SMOC1: variants seen among roughly 807,000 people sequenced by gnomAD.
SMOC1 encodes the protein SPARC-related modular calcium-binding protein 1.
Under a neutral mutation model 56.3 loss-of-function variants are expected in SMOC1, and 22 were observed. The ratio of observed to expected loss-of-function variants is 0.39; its 90% CI spans 0.28 to 0.56. The LOEUF (loss-of-function observed/expected upper bound fraction) is 0.56. SMOC1 is among the 20% of genes least tolerant of loss of function. The pLI is 0.61. For missense variants in SMOC1, 509 were observed against 565.4 expected, an observed-to-expected ratio of 0.90 and a Z score of 1.01; for synonymous variants, 193 against 215.0, an observed-to-expected ratio of 0.90 and a Z score of 0.89.
Position 69,953,668 on chromosome 14 carries a change from T to C in SMOC1, c.378+136T>C, listed in dbSNP as rs1883086499. 3.9e-6 allele frequency: 3 copies of C among 761,138 alleles called. No individual in the cohort carries two copies. In the Admixed American group the frequency reaches 5.9e-5, roughly 15 times the overall value. The allele number at this position is 761,138 out of a possible 1,614,324, so 47.1% of individuals were successfully genotyped here. On this transcript the variant is annotated intron_variant, in intron 3 of 11. Transcript: ENST00000361956. ...TGAGTGGCTCTTCAACTCCCCTCTG[T>C]GCTGCCTTCCCCCTCTCTGGCCCTC...
At chr14:69,940,842 G>A (rs747448423) in intron 1 of SMOC1, among the ~76,000 whole-genome samples, 28 of 152,162 alleles carry the variant, frequency 1.8e-4, no homozygotes, top group Non-Finnish European at 3.2e-4. Context: ...AGTGAGAGGA[G>A]TTTTTGTGCT....
intron 6 of SMOC1, 82 bp from the exon 7 acceptor site, chr14:69,994,318 C>T: frequency 9.2e-7 from 1 of 1,084,082 alleles, no homozygotes; most frequent in Middle Eastern, 2.0e-4. Context: ...TGAAAAATGA[C>T]TATTAAGAAG....
At chr14:69,977,549 G>T (rs562838542) in intron 4 of SMOC1, among the ~76,000 whole-genome samples, 30 of 152,200 alleles carry the variant, frequency 2.0e-4, no homozygotes, top group Non-Finnish European at 3.5e-4. Flanking sequence ...ACTGAATATG[G>T]CTCCAAACAT....
At chr14:69,959,712 A>G (rs1883304752) in intron 3 of SMOC1, among the ~76,000 whole-genome samples, 1 of 151,934 alleles carries the variant, frequency 6.6e-6, no homozygotes, top group Non-Finnish European at 1.5e-5. Flanking sequence ...ATAGGGATCT[A>G]TATGCATGGA....
chr14:70,011,643 G>A lies in SMOC1; in HGVS notation c.940+76G>A, dbSNP rs1885346326. 7 of 1,371,180 alleles carry A rather than the reference G, an allele frequency of 5.1e-6. No individual in the cohort carries two copies. The South Asian group carries it at 8.3e-5, about 16-fold the overall frequency. The allele number at this position is 1,371,180 out of a possible 1,614,324, so 84.9% of individuals were successfully genotyped here. ...ACCCTCTCATTATGCAGAAGAAGCT[G>A]TCTCCTCTTTGTCTGTTTCCCCATG... On this transcript the variant is annotated intron_variant, in intron 9 of 11. Coordinates refer to ENST00000361956, the MANE Select transcript of SMOC1 (RefSeq NM_001034852.3).
chr14:69,953,957 A>G (rs928582854), intron 3 of SMOC1, among the ~76,000 whole-genome samples: 3 of 152,120 alleles, frequency 2.0e-5, no homozygotes, highest in Non-Finnish European at 4.4e-5. Flanking sequence ...CCAGTCCTTG[A>G]ACGAAGCAGA....
At chr14:70,022,854 A>T (rs946548738) in intron 10 of SMOC1, among the ~76,000 whole-genome samples, 1 of 152,186 alleles carries the variant, frequency 6.6e-6, no homozygotes, top group Non-Finnish European at 1.5e-5. Context: ...AGGCCAGGGG[A>T]GGGACAATTT....
At chr14:69,964,914 G>A (rs1883511828) in intron 3 of SMOC1, among the ~76,000 whole-genome samples, 1 of 152,076 alleles carries the variant, frequency 6.6e-6, no homozygotes. Context: ...CAGAGTTCTT[G>A]ATCCTAACCA....
chr14:69,996,069 C>T (rs146899317), intron 7 of SMOC1, among the ~76,000 whole-genome samples: 56 of 152,266 alleles, frequency 3.7e-4, no homozygotes, highest in Non-Finnish European at 6.3e-4. Flanking sequence ...GTGGAAGATA[C>T]GAAGGTGAGC....
At chr14:69,910,588 T>C (rs866188759) in intron 1 of SMOC1, among the ~76,000 whole-genome samples, 2 of 115,304 alleles carry the variant, frequency 1.7e-5, no homozygotes, top group Non-Finnish European at 3.8e-5. Flanking sequence ...AAATGATTTA[T>C]GTTTGAAGGA....
At chr14:69,977,882 T>C in intron 4 of SMOC1, 36 bp from the exon 5 acceptor site, 1 of 1,601,124 alleles carries the variant, frequency 6.2e-7, no homozygotes. Flanking sequence ...CAATGCATTC[T>C]GAGTGGCTAT....
chr14:69,981,342 C>A (rs1321545303), intron 5 of SMOC1, among the ~76,000 whole-genome samples: 1 of 152,174 alleles, frequency 6.6e-6, no homozygotes, highest in Admixed American at 6.5e-5. Flanking sequence ...TCACTCTGTT[C>A]TTTGGGCCCC....
intron 7 of SMOC1, among the ~76,000 whole-genome samples, chr14:69,998,248 C>T (rs759493737): frequency 1.3e-5 from 2 of 152,138 alleles, no homozygotes; most frequent in Admixed American, 6.5e-5. Flanking sequence ...CTTCAGTTCT[C>T]GCCTCCATTG....
intron 10 of SMOC1, among the ~76,000 whole-genome samples, chr14:70,014,095 G>A (rs1353113371): frequency 4.6e-5 from 7 of 152,206 alleles, no homozygotes; most frequent in South Asian, 2.1e-4. Context: ...TAGGCCAGTC[G>A]GTTGGAGATG....
chr14:69,958,012 A>G (rs912999013), intron 3 of SMOC1, among the ~76,000 whole-genome samples: 1 of 152,280 alleles, frequency 6.6e-6, no homozygotes, highest in East Asian at 1.9e-4. Flanking sequence ...AAGCTCATTT[A>G]TAAGTCAGTT....
chr14:70,019,476 G>A (rs533998279), intron 10 of SMOC1, among the ~76,000 whole-genome samples: 1 of 152,308 alleles, frequency 6.6e-6, no homozygotes, highest in East Asian at 1.9e-4. Context: ...CTGATCCTAA[G>A]GAGCTCTTGC....
intron 1 of SMOC1, among the ~76,000 whole-genome samples, chr14:69,891,152 G>A (rs1388227292): frequency 6.6e-6 from 1 of 152,178 alleles, no homozygotes; most frequent in Non-Finnish European, 1.5e-5. Flanking sequence ...AAGGTTGAAA[G>A]CATGCAAAAG....
chr14:69,938,302 A>C (rs765993100), intron 1 of SMOC1, among the ~76,000 whole-genome samples: 1 of 152,074 alleles, frequency 6.6e-6, no homozygotes, highest in Non-Finnish European at 1.5e-5. Flanking sequence ...GCAGTCTTTT[A>C]TCGTGGGTGG....
chr14:70,022,129 C>G (rs1885748460), intron 10 of SMOC1, among the ~76,000 whole-genome samples: 1 of 152,246 alleles, frequency 6.6e-6, no homozygotes, highest in Admixed American at 6.5e-5. Context: ...GCCCTGGGAA[C>G]AGGAGCCATG....
Sources: gnomAD v4.1 joint callset for allele counts (sites outside exome capture counted in the v4.1 genomes callset) on GRCh38, gnomAD v4.1.1 for gene constraint, MANE v1.5 for transcripts, NCBI Gene and HGNC (gene_info 2026-07-23, HGNC 2026-07-21) for gene names.